The following FARS2 variants were observed in gnomAD, a reference collection of about 807,000 sequenced individuals.
FARS2 encodes the protein phenylalanine--tRNA ligase, mitochondrial.
In FARS2, 40 loss-of-function variants were observed where a neutral mutation model predicts 46.4. That is an observed-to-expected ratio of 0.86 (90% CI 0.67 to 1.12). The LOEUF is 1.12. Ranked by LOEUF, FARS2 falls within the 50% of genes most tolerant of loss-of-function variation. The probability of loss-of-function intolerance (pLI) is 0.00; values close to 1 mark genes in which losing one functional copy is unlikely to be tolerated. For synonymous variants in FARS2, 234 were observed against 214.9 expected (o/e 1.09, Z -0.78); for missense variants, 513 against 567.9 (o/e 0.90, Z 0.98).
chr6:5,498,893 C>A (rs1011961876), intron 4 of FARS2, among the ~76,000 whole-genome samples: 4 of 152,132 alleles, frequency 2.6e-5, no homozygotes, highest in African/African-American at 9.7e-5. Context: ...TCCATTGAAG[C>A]CAGTAGTGCC....
At chr6:5,270,463 C>T (rs779971625) in intron 1 of FARS2, among the ~76,000 whole-genome samples, 2 of 152,162 alleles carry the variant, frequency 1.3e-5, no homozygotes, top group African/African-American at 2.4e-5. Context: ...AAGTGTGGTT[C>T]GCTAGAGCTG....
chr6:5,495,220 GCA>G (rs1447018898), intron 4 of FARS2, among the ~76,000 whole-genome samples: 1 of 152,206 alleles, frequency 6.6e-6, no homozygotes, highest in Non-Finnish European at 1.5e-5. Context: ...AAATTATAAT[GCA>G]CATTTTTGCT....
At chr6:5,330,908 G>A (rs1770753912) in intron 1 of FARS2, among the ~76,000 whole-genome samples, 1 of 151,910 alleles carries the variant, frequency 6.6e-6, no homozygotes, top group African/African-American at 2.4e-5. Context: ...GAGTTCTAGT[G>A]CAGCCTGGGC....
intron 6 of FARS2, among the ~76,000 whole-genome samples, chr6:5,655,670 ACC>A (rs1481895133): frequency 6.6e-6 from 1 of 152,052 alleles, no homozygotes; most frequent in African/African-American, 2.4e-5. Flanking sequence ...TGTTGTGTCC[ACC>A]CAGACAATAC....
upstream of FARS2, among the ~76,000 whole-genome samples, chr6:5,257,867 T>C (rs1382208349): frequency 2.0e-5 from 3 of 152,200 alleles, no homozygotes; most frequent in African/African-American, 7.2e-5. Context: ...GGGCAAAGCA[T>C]GCTTCAGAGA....
At chr6:5,436,166 C>A (rs919973536) in intron 4 of FARS2, among the ~76,000 whole-genome samples, 2 of 152,296 alleles carry the variant, frequency 1.3e-5, no homozygotes. Flanking sequence ...GGTGCCAGGC[C>A]TTTCCCTGGT....
chr6:5,762,466 C>T (rs914256874), intron 6 of FARS2, among the ~76,000 whole-genome samples: 5 of 152,264 alleles, frequency 3.3e-5, no homozygotes, highest in Admixed American at 2.6e-4. Flanking sequence ...CCAAGGAGCT[C>T]GGCCACATCC....
In FARS2 at chr6:5,286,974, G is replaced by T. The variant is rs114257888; in HGVS notation, c.-22+25314G>T. Among the ~76,000 whole-genome samples the T allele has an allele frequency of 4.2e-3, 641 of 152,358 alleles. 2 individuals are homozygous for T. The highest frequency in any genetic ancestry group is 0.015 in the African/African-American group (605 of 41,588). On this transcript the variant is annotated intron_variant, in intron 1 of 6. Coordinates refer to ENST00000274680, the MANE Select transcript of FARS2 (RefSeq NM_006567.5). Reference sequence around the variant, plus strand: ...CATCAGACCTAATACAGGAAGACTCGCTGCACTTGTGGCCCCAGGCCTGGC... The same window carrying T: ...CATCAGACCTAATACAGGAAGACTCTCTGCACTTGTGGCCCCAGGCCTGGC...
chr6:5,669,418 T>A (rs117485963), intron 6 of FARS2, among the ~76,000 whole-genome samples: 1 of 151,764 alleles, frequency 6.6e-6, no homozygotes, highest in East Asian at 1.9e-4. Context: ...GGGAAATGTT[T>A]TAAAAATTAA....
intron 6 of FARS2, among the ~76,000 whole-genome samples, chr6:5,716,508 T>C (rs1759499923): frequency 6.6e-6 from 1 of 152,206 alleles, no homozygotes; most frequent in Non-Finnish European, 1.5e-5. Context: ...CAGGGATTTC[T>C]CCCCGCCAAC....
At chr6:5,751,133 ACT>A (rs561321917) in intron 6 of FARS2, among the ~76,000 whole-genome samples, 140 of 152,156 alleles carry the variant, frequency 9.2e-4, no homozygotes, top group African/African-American at 3.0e-3. Context: ...TTGGAACATA[ACT>A]CTCTGTAAGG....
Position 5,298,826 on chromosome 6 carries a change from G to T in FARS2, c.-22+37166G>T, listed in dbSNP as rs565440038. Among the ~76,000 whole-genome samples, 5 of 139,002 alleles carry T rather than the reference G, an allele frequency of 3.6e-5. No homozygotes were observed. In the South Asian group the frequency reaches 6.6e-4, roughly 18 times the overall value. The allele number at this position is 139,002 out of a possible 152,430, so 91.2% of individuals were successfully genotyped here. Reference sequence around the variant, plus strand: ...TGCAGTGAGCCGAGATCGTGCCACCGCACTGCAGCCTGGGCAACAGAGCAA... The same window carrying T: ...TGCAGTGAGCCGAGATCGTGCCACCTCACTGCAGCCTGGGCAACAGAGCAA... On this transcript the variant is annotated intron_variant, in intron 1 of 6. Coordinates refer to ENST00000274680, the MANE Select transcript of FARS2 (RefSeq NM_006567.5).
the FARS2 span, among the ~76,000 whole-genome samples, chr6:5,253,453 G>C: frequency 6.6e-6 from 1 of 151,296 alleles, no homozygotes; most frequent in South Asian, 2.1e-4. Context: ...ATGACTTGCT[G>C]TTTATGTTTA....
In FARS2 at chr6:5,362,929, T is replaced by TTC. The variant is rs201210823; in HGVS notation, c.-21-5620_-21-5619insCT. Reference sequence around the variant, plus strand: ...CCTTTGCCCATTTTTCTTTCTTTCTTTTTTTTTTTTTTTTTGACATGGAGT... The same window carrying TTC: ...CCTTTGCCCATTTTTCTTTCTTTCTTTCTTTTTTTTTTTTTTTGACATGGAGT... On this transcript the variant is annotated intron_variant, in intron 1 of 6. Coordinates refer to ENST00000274680, the MANE Select transcript of FARS2 (RefSeq NM_006567.5). Among the ~76,000 whole-genome samples, 801 of 134,352 alleles carry TTC rather than the reference T, an allele frequency of 6.0e-3. 5 individuals carry two copies. The highest frequency in any genetic ancestry group is 0.021 in the African/African-American group (759 of 35,756). 88.1% of individuals were successfully genotyped at this position (134,352 alleles called of 152,430 possible). A position where few individuals can be genotyped will look rare whatever the true frequency, so the allele number is the denominator to read the frequency against.
chr6:5,406,215 G>A (rs974138074), intron 3 of FARS2, among the ~76,000 whole-genome samples: 4 of 152,162 alleles, frequency 2.6e-5, no homozygotes, highest in African/African-American at 9.7e-5. Context: ...GTAAAAGTCA[G>A]TGTTGTTGAG....
At chr6:5,705,907 C>T (rs1026385212) in intron 6 of FARS2, among the ~76,000 whole-genome samples, 1 of 152,196 alleles carries the variant, frequency 6.6e-6, no homozygotes, top group Non-Finnish European at 1.5e-5. Flanking sequence ...ACCTCAATCT[C>T]ACTTTGCCAT....
chr6:5,329,111 C>T (rs1038254295), intron 1 of FARS2, among the ~76,000 whole-genome samples: 2 of 151,070 alleles, frequency 1.3e-5, no homozygotes, highest in South Asian at 4.2e-4. Flanking sequence ...AAAGTCTCTG[C>T]TTAGTGTTGT....
At chr6:5,614,411 CT>C (rs199992978) in intron 6 of FARS2, among the ~76,000 whole-genome samples, 18,266 of 139,244 alleles carry the variant, frequency 0.13, 1,058 homozygotes, top group South Asian at 0.18. Flanking sequence ...CCTTCTTTGT[CT>C]TTTTTTTTTT....
At chr6:5,762,202 A>G (rs1397212779) in intron 6 of FARS2, among the ~76,000 whole-genome samples, 6 of 152,212 alleles carry the variant, frequency 3.9e-5, no homozygotes, top group Non-Finnish European at 8.8e-5. Flanking sequence ...AATAATACCA[A>G]CTGTTAACTG....
Sources: allele counts gnomAD v4.1 joint callset (sites outside exome capture counted in the v4.1 genomes callset), GRCh38; gene constraint gnomAD v4.1.1; transcripts MANE v1.5; gene names NCBI Gene and HGNC (gene_info 2026-07-23, HGNC 2026-07-21).